LHFPL4: variants seen among roughly 807,000 people sequenced by gnomAD.
The protein encoded by LHFPL4 is LHFPL tetraspan subfamily member 4 protein.
A neutral mutation model predicts 20.0 loss-of-function variants in LHFPL4; 6 were observed. The observed-to-expected ratio is 0.30, with a 90% CI of 0.16 to 0.59. The LOEUF (loss-of-function observed/expected upper bound fraction) is 0.59. LHFPL4 is among the 20% of genes least tolerant of loss of function. The probability of loss-of-function intolerance (pLI) is 0.88; values close to 1 mark genes in which losing one functional copy is unlikely to be tolerated. For synonymous variants in LHFPL4, 129 were observed against 143.8 expected (o/e 0.90, Z 0.74); for missense variants, 215 against 331.2 (o/e 0.65, Z 2.72).
At chr3:9,509,052 C>T (rs1423434104) in intron 2 of LHFPL4, among the ~76,000 whole-genome samples, 2 of 152,210 alleles carry the variant, frequency 1.3e-5, no homozygotes, top group East Asian at 1.9e-4. Flanking sequence ...GCCTGCATCC[C>T]GGCGCTCCCA....
chr3:9,530,245 G>T (rs956439258), intron 2 of LHFPL4, among the ~76,000 whole-genome samples: 1 of 152,056 alleles, frequency 6.6e-6, no homozygotes, highest in African/African-American at 2.4e-5. Context: ...CCAACAGAAG[G>T]CTGTTTCATC....
chr3:9,540,109 T>C (rs1291171486), intron 2 of LHFPL4, among the ~76,000 whole-genome samples: 1 of 152,214 alleles, frequency 6.6e-6, no homozygotes, highest in Non-Finnish European at 1.5e-5. Flanking sequence ...GCTTTATCCT[T>C]ATACTTACAT....
Position 9,545,803 on chromosome 3 carries a change from G to A in LHFPL4, c.406+6471C>T, listed in dbSNP as rs898875532. Among the ~76,000 whole-genome samples, 5 of 151,848 alleles carry A rather than the reference G, an allele frequency of 3.3e-5. No homozygotes were observed. The East Asian group carries it at 9.7e-4, about 29-fold the overall frequency. On this transcript the variant is annotated intron_variant, in intron 2 of 3. Transcript: ENST00000287585. ...GTGTGCCTGTAGTTCTAGCTACTGA[G>A]GGAGCTGAGGTGGGAGGATTTCTTA... is the stretch of plus-strand genomic sequence containing the variant.
intron 2 of LHFPL4, among the ~76,000 whole-genome samples, chr3:9,551,261 T>A (rs553465203): frequency 3.4e-4 from 52 of 152,310 alleles, no homozygotes; most frequent in African/African-American, 1.3e-3. Flanking sequence ...CTCTGCTGCA[T>A]GATAATCACA....
chr3:9,527,079 G>A (rs1559519647), intron 2 of LHFPL4, among the ~76,000 whole-genome samples: 1 of 151,998 alleles, frequency 6.6e-6, no homozygotes. Flanking sequence ...AGTAAGCAGG[G>A]GTACACAGAA....
At chr3:9,540,043 T>C (rs1403510656) in intron 2 of LHFPL4, among the ~76,000 whole-genome samples, 1 of 152,200 alleles carries the variant, frequency 6.6e-6, no homozygotes, top group African/African-American at 2.4e-5. Flanking sequence ...ACACTGTTGA[T>C]AGATCTGTCA....
intron 2 of LHFPL4, among the ~76,000 whole-genome samples, chr3:9,545,356 T>C (rs1481615673): frequency 2.6e-5 from 4 of 152,094 alleles, no homozygotes; most frequent in Admixed American, 2.0e-4. Context: ...AGTGGAAGAA[T>C]AAAATTCCAA....
chr3:9,516,406 T>C (rs1023180721), intron 2 of LHFPL4, among the ~76,000 whole-genome samples: 5 of 152,122 alleles, frequency 3.3e-5, no homozygotes, highest in Non-Finnish European at 1.5e-5. Flanking sequence ...TATGTGGGTC[T>C]GTTTCTGGGC....
At chr3:9,525,466 C>T (rs2046367525) in intron 2 of LHFPL4, among the ~76,000 whole-genome samples, 1 of 152,184 alleles carries the variant, frequency 6.6e-6, no homozygotes, top group African/African-American at 2.4e-5. Context: ...AGCAGTTTGC[C>T]CTGTGACCTT....
At chr3:9,546,467 G>A (rs531736290) in intron 2 of LHFPL4, among the ~76,000 whole-genome samples, 3 of 152,102 alleles carry the variant, frequency 2.0e-5, no homozygotes, top group African/African-American at 2.4e-5. Flanking sequence ...TCTCTGCTGC[G>A]GTCCAGGTAC....
At chr3:9,543,275 G>A (rs2046489195) in intron 2 of LHFPL4, among the ~76,000 whole-genome samples, 1 of 151,996 alleles carries the variant, frequency 6.6e-6, no homozygotes, top group African/African-American at 2.4e-5. Context: ...GCCGAGGTGG[G>A]CGGATCACGA....
chr3:9,518,275 C>T (rs1235505638), intron 2 of LHFPL4, among the ~76,000 whole-genome samples: 1 of 151,998 alleles, frequency 6.6e-6, no homozygotes, highest in Non-Finnish European at 1.5e-5. Context: ...TCATGGTGTA[C>T]CATTCTTTTT....
rs371333994 is a variant in LHFPL4 at position 9,506,040 on chromosome 3, G to A, written c.570C>T (p.Leu190=). The A allele has an allele frequency of 1.2e-6, 2 of 1,614,238 alleles. No individual in the cohort carries two copies. The highest frequency in any genetic ancestry group is 8.5e-7 in the Non-Finnish European group (1 of 1,180,042). Residue 190 remains leucine, a synonymous_variant, in exon 3 of 4, where the codon CTC becomes CTT. Transcript: ENST00000287585. This position sits in a 1 kb window ranked among gnomAD's most constrained non-coding sequence, Gnocchi z 4.5. ...TGCCCAGCACGAAGGCGAGGAAGGAGAGGATGAGGGCGTTGAGGATGCCGA... is the reference window on the plus strand; with the variant it reads ...TGCCCAGCACGAAGGCGAGGAAGGAAAGGATGAGGGCGTTGAGGATGCCGA... ...AIIGILNALI[L]SFLAFVLGNR... is the part of the protein sequence containing the mutation.
intron 1 of LHFPL4, among the ~76,000 whole-genome samples, chr3:9,553,142 G>A (rs1410669880): frequency 6.6e-6 from 1 of 151,804 alleles, no homozygotes; most frequent in East Asian, 1.9e-4. Context: ...GAGCTCAGAA[G>A]GGAATTTGGG....
intron 2 of LHFPL4, chr3:9,550,998 C>T (rs2046549327): frequency 6.6e-6 from 1 of 152,292 alleles, no homozygotes; most frequent in Middle Eastern, 3.4e-3. Context: ...ATTTGATGAC[C>T]CATCGTATTC....
intron 2 of LHFPL4, among the ~76,000 whole-genome samples, chr3:9,523,982 T>TCCC (rs1559518858): frequency 1.5e-5 from 2 of 135,562 alleles, no homozygotes; most frequent in African/African-American, 5.7e-5. Flanking sequence ...AGGCTAGTAT[T>TCCC]TCCCCCCCCC....
At chr3:9,524,471 T>C in intron 2 of LHFPL4, among the ~76,000 whole-genome samples, 1 of 152,214 alleles carries the variant, frequency 6.6e-6, no homozygotes, top group Admixed American at 6.5e-5. Flanking sequence ...TTTTTGTTTT[T>C]AGAGGTTTCT....
chr3:9,543,267 C>T (rs577411632), intron 2 of LHFPL4, among the ~76,000 whole-genome samples: 4 of 151,846 alleles, frequency 2.6e-5, no homozygotes, highest in Admixed American at 1.3e-4. Context: ...TGTGGGAGGC[C>T]GAGGTGGGCG....
intron 2 of LHFPL4, among the ~76,000 whole-genome samples, chr3:9,549,215 T>C (rs1210397896): frequency 6.6e-6 from 1 of 152,114 alleles, no homozygotes; most frequent in Admixed American, 6.6e-5. Context: ...AGAGCAGGAA[T>C]TGCATTTTAT....
Sources: gnomAD v4.1 joint callset for allele counts (sites outside exome capture counted in the v4.1 genomes callset) on GRCh38, gnomAD v4.1.1 for gene constraint, Gnocchi (gnomAD v3.1) non-coding constraint, MANE v1.5 for transcripts, NCBI Gene and HGNC (gene_info 2026-07-23, HGNC 2026-07-21) for gene names.